Variants in KCNH8 observed in about 807,000 individuals in gnomAD.
The protein encoded by KCNH8 is voltage-gated delayed rectifier potassium channel KCNH8.
A neutral mutation model predicts 103.6 loss-of-function variants in KCNH8; 70 were observed. That is an observed-to-expected ratio of 0.68 (90% confidence interval 0.56 to 0.82). The LOEUF (loss-of-function observed/expected upper bound fraction) is 0.82. KCNH8 is among the 40% of genes least tolerant of loss of function. The probability of loss-of-function intolerance (pLI) is 0.00; values close to 1 mark genes in which losing one functional copy is unlikely to be tolerated. For synonymous variants in KCNH8, 498 were observed against 489.4 expected (o/e 1.02, Z -0.23); for missense variants, 1,217 against 1,329.9 (o/e 0.92, Z 1.32).
chr3:19,313,961 G>C (rs896989125), intron 3 of KCNH8, among the ~76,000 whole-genome samples: 6 of 151,836 alleles, frequency 4.0e-5, no homozygotes, highest in African/African-American at 1.5e-4. Context: ...ATGGTGAAAT[G>C]AATAGAAATG....
chr3:19,498,815 T>G (rs970812781), intron 11 of KCNH8, among the ~76,000 whole-genome samples: 1 of 152,164 alleles, frequency 6.6e-6, no homozygotes, highest in Non-Finnish European at 1.5e-5. Flanking sequence ...GACCCTCAGC[T>G]GCAGGTCTGC....
chr3:19,234,510 G>A (rs2064036841), intron 1 of KCNH8, among the ~76,000 whole-genome samples: 1 of 152,192 alleles, frequency 6.6e-6, no homozygotes, highest in Non-Finnish European at 1.5e-5. Context: ...TGCCCCAGGC[G>A]GGTGGGGCTG....
chr3:19,230,197 G>A (rs1050487319), intron 1 of KCNH8, among the ~76,000 whole-genome samples: 1 of 152,146 alleles, frequency 6.6e-6, no homozygotes, highest in Non-Finnish European at 1.5e-5. Context: ...ATGGGAGTGG[G>A]AATTATAGGA....
chr3:19,288,155 C>G (rs1436416500), intron 3 of KCNH8, among the ~76,000 whole-genome samples: 2 of 137,552 alleles, frequency 1.5e-5, no homozygotes, highest in Non-Finnish European at 1.5e-5. Context: ...TCTTTCTAAA[C>G]CTTCTTGCAC....
intron 5 of KCNH8, among the ~76,000 whole-genome samples, chr3:19,376,508 A>T (rs1002286349): frequency 3.9e-5 from 6 of 152,006 alleles, no homozygotes; most frequent in Non-Finnish European, 7.4e-5. Flanking sequence ...TGGCACTCCC[A>T]AGTGAGATGA....
intron 1 of KCNH8, among the ~76,000 whole-genome samples, chr3:19,169,641 G>T (rs2063321723): frequency 6.6e-6 from 1 of 152,150 alleles, no homozygotes; most frequent in Non-Finnish European, 1.5e-5. Flanking sequence ...AAAATCCTGT[G>T]TGTTATTTCT....
chr3:19,385,317 T>G lies in KCNH8; in HGVS notation c.812-5164T>G, dbSNP rs111670951. 3.6e-3 allele frequency among the ~76,000 whole-genome samples: 548 copies of G among 152,232 alleles called. 3 individuals are homozygous for G. The highest frequency in any genetic ancestry group is 6.9e-3 in the Non-Finnish European group (466 of 68,000). On this transcript the variant is annotated intron_variant, in intron 5 of 15. Coordinates refer to ENST00000328405, the MANE Select transcript of KCNH8 (RefSeq NM_144633.3). Reference sequence around the variant, plus strand: ...TATATGCACCCCCAAAAGATGTACATTGGTCATGTATCAATAGAAAAAAGA... The same window carrying G: ...TATATGCACCCCCAAAAGATGTACAGTGGTCATGTATCAATAGAAAAAAGA...
chr3:19,454,198 T>G (rs1575084252), intron 10 of KCNH8, among the ~76,000 whole-genome samples: 1 of 141,158 alleles, frequency 7.1e-6, no homozygotes, highest in Non-Finnish European at 1.6e-5. Context: ...GTGTGTGTGT[T>G]TTCTTTCTTA....
intron 11 of KCNH8, among the ~76,000 whole-genome samples, chr3:19,473,991 T>C (rs969084264): frequency 1.3e-5 from 2 of 152,186 alleles, no homozygotes; most frequent in Non-Finnish European, 2.9e-5. Flanking sequence ...GAAGGTTTTA[T>C]CATGGTAAAT....
chr3:19,400,181 T>C (rs778578921), intron 7 of KCNH8, among the ~76,000 whole-genome samples: 4 of 118,964 alleles, frequency 3.4e-5, no homozygotes, highest in South Asian at 2.7e-4. Flanking sequence ...TCCATTACTA[T>C]ATACAATGAA....
At chr3:19,345,599 G>A (rs747541362) in intron 4 of KCNH8, among the ~76,000 whole-genome samples, 1 of 151,780 alleles carries the variant, frequency 6.6e-6, no homozygotes, top group African/African-American at 2.4e-5. Context: ...CCTACTTCCT[G>A]CTAAAAAGCA....
At chr3:19,223,975 G>T (rs1482385730) in intron 1 of KCNH8, among the ~76,000 whole-genome samples, 3 of 151,968 alleles carry the variant, frequency 2.0e-5, no homozygotes, top group African/African-American at 7.3e-5. Flanking sequence ...AATCATATTT[G>T]GTATGTACAG....
chr3:19,375,786 T>G (rs1203740774), intron 5 of KCNH8, among the ~76,000 whole-genome samples: 4 of 151,848 alleles, frequency 2.6e-5, no homozygotes, highest in Admixed American at 6.6e-5. Flanking sequence ...GGGTTTTTGG[T>G]GTGGATGTCC....
rs150556250 is a variant in KCNH8 at position 19,370,435 on chromosome 3, A to G, written c.812-20046A>G. 9.2e-5 allele frequency among the ~76,000 whole-genome samples: 14 copies of G among 152,154 alleles called. No homozygotes were observed. The East Asian group carries it at 2.5e-3, about 27-fold the overall frequency. ...ACTTAAGAAAGGTAATTAACTTTCC[A>G]TAGGACACACTGCTACTGAGTGAGA... On this transcript the variant is annotated intron_variant, in intron 5 of 15. Transcript: ENST00000328405.
chr3:19,297,795 C>T (rs1302209039), intron 3 of KCNH8, among the ~76,000 whole-genome samples: 3 of 152,246 alleles, frequency 2.0e-5, no homozygotes, highest in East Asian at 3.9e-4. Context: ...TTCTCAAAGC[C>T]TGTCTTCAGT....
At chr3:19,384,396 A>G (rs977020336) in intron 5 of KCNH8, among the ~76,000 whole-genome samples, 1 of 152,230 alleles carries the variant, frequency 6.6e-6, no homozygotes, top group Non-Finnish European at 1.5e-5. Flanking sequence ...GTGATACTTA[A>G]GTATATTGAA....
At chr3:19,301,852 C>T (rs2065068292) in intron 3 of KCNH8, among the ~76,000 whole-genome samples, 1 of 152,190 alleles carries the variant, frequency 6.6e-6, no homozygotes, top group Non-Finnish European at 1.5e-5. Context: ...ACTCGGAGAA[C>T]TCAGGGGCAC....
At chr3:19,429,027 C>T (rs1376396367) in intron 7 of KCNH8, among the ~76,000 whole-genome samples, 1 of 152,094 alleles carries the variant, frequency 6.6e-6, no homozygotes, top group Non-Finnish European at 1.5e-5. Flanking sequence ...AGGCCAATCG[C>T]TTCACCAGAC....
chr3:19,337,428 G>C (rs577420771), intron 3 of KCNH8, among the ~76,000 whole-genome samples: 1 of 151,884 alleles, frequency 6.6e-6, no homozygotes, highest in Non-Finnish European at 1.5e-5. Context: ...TCATCTCTCA[G>C]TGTTGCTTAG....
Sources: gnomAD v4.1 joint callset for allele counts (sites outside exome capture counted in the v4.1 genomes callset) on GRCh38, gnomAD v4.1.1 for gene constraint, MANE v1.5 for transcripts, NCBI Gene and HGNC (gene_info 2026-07-23, HGNC 2026-07-21) for gene names.